SDK1: variants seen among roughly 807,000 people sequenced by gnomAD.
The protein encoded by SDK1 is sidekick cell adhesion molecule 1.
SDK1 carries 157 observed loss-of-function variants against 245.5 expected under a neutral mutation model. The observed-to-expected ratio is 0.64, with a 90% CI of 0.56 to 0.73. SDK1 has a LOEUF of 0.73. SDK1 is among the 30% of genes least tolerant of loss of function. The probability of loss-of-function intolerance (pLI) is 0.00; values close to 1 mark genes in which losing one functional copy is unlikely to be tolerated. For missense variants in SDK1, 3,583 were observed against 3,002.3 expected (o/e 1.19, Z -4.52); for synonymous variants, 1,647 against 1,278.5 (o/e 1.29, Z -6.15).
At chr7:3,793,918 C>T (rs1324805706) in intron 4 of SDK1, among the ~76,000 whole-genome samples, 3 of 152,094 alleles carry the variant, frequency 2.0e-5, no homozygotes, top group Non-Finnish European at 4.4e-5. Context: ...GCAGGGTGCT[C>T]CCTGCCCTGT....
At chr7:3,997,661 C>A (rs1207828831) in intron 14 of SDK1, among the ~76,000 whole-genome samples, 1 of 152,096 alleles carries the variant, frequency 6.6e-6, no homozygotes. Context: ...TTATGGCCTT[C>A]AGAGGGGAGG....
intron 1 of SDK1, among the ~76,000 whole-genome samples, chr7:3,492,290 C>G (rs537654374): frequency 1.3e-5 from 2 of 152,242 alleles, no homozygotes; most frequent in East Asian, 3.9e-4. Flanking sequence ...CAGAGTAGAT[C>G]GAGACCATCC....
intron 4 of SDK1, among the ~76,000 whole-genome samples, chr7:3,652,716 T>C (rs539868022): frequency 4.6e-5 from 7 of 152,232 alleles, no homozygotes; most frequent in African/African-American, 1.7e-4. Flanking sequence ...TTTGTGGTGA[T>C]GGATATCTTC....
In SDK1 at chr7:4,076,994, C is replaced by G. The variant is rs2128177343; in HGVS notation, c.3011-4C>G. 1 of 1,613,546 alleles carries G rather than the reference C, an allele frequency of 6.2e-7. No homozygotes were observed. Among genetic ancestry groups the G allele is most frequent in the East Asian group, 2.2e-5 (1 of 44,868 alleles). ...AACACTGGTCTGGTCCTGTTGCTTT[C>G]TAGGCTATCAGATCTCTTGGGAAGT... On this transcript the variant is annotated splice_region_variant and splice_polypyrimidine_tract_variant and intron_variant, in intron 20 of 44. Coordinates refer to ENST00000404826, the MANE Select transcript of SDK1 (RefSeq NM_152744.4).
At chr7:4,261,286 G>C (rs1787986362) in intron 44 of SDK1, among the ~76,000 whole-genome samples, 1 of 152,180 alleles carries the variant, frequency 6.6e-6, no homozygotes, top group African/African-American at 2.4e-5. Context: ...TGAGGGAGCA[G>C]CTGGCAGGAA....
chr7:4,057,588 C>A (rs904050266), intron 19 of SDK1, among the ~76,000 whole-genome samples: 1 of 152,136 alleles, frequency 6.6e-6, no homozygotes. Flanking sequence ...GCAGCCATTG[C>A]CAGCACCTGA....
chr7:3,589,411 A>G (rs1780789956), intron 1 of SDK1, among the ~76,000 whole-genome samples: 1 of 152,218 alleles, frequency 6.6e-6, no homozygotes, highest in South Asian at 2.1e-4. Context: ...CTTCCCGTGC[A>G]CCAGCACCAC....
intron 1 of SDK1, among the ~76,000 whole-genome samples, chr7:3,575,113 C>G (rs1425337327): frequency 6.6e-6 from 1 of 152,104 alleles, no homozygotes; most frequent in Non-Finnish European, 1.5e-5. Flanking sequence ...ACTGCCATAA[C>G]CAAATACCCT....
chr7:3,512,469 T>C (rs1355353781), intron 1 of SDK1, among the ~76,000 whole-genome samples: 1 of 152,226 alleles, frequency 6.6e-6, no homozygotes, highest in East Asian at 1.9e-4. Context: ...TTCCATTTCT[T>C]TGGGTGAATA....
At chr7:3,634,571 A>C (rs1031194143) in intron 2 of SDK1, among the ~76,000 whole-genome samples, 5 of 152,192 alleles carry the variant, frequency 3.3e-5, no homozygotes, top group Non-Finnish European at 2.9e-5. Flanking sequence ...TCTATACTTT[A>C]GTGGCATATG....
At chr7:3,900,110 G>A (rs1019942042) in intron 5 of SDK1, among the ~76,000 whole-genome samples, 3 of 152,138 alleles carry the variant, frequency 2.0e-5, no homozygotes, top group African/African-American at 7.2e-5. Flanking sequence ...CCTCCTCCCA[G>A]TTTCCTCTTT....
intron 17 of SDK1, among the ~76,000 whole-genome samples, chr7:4,025,285 C>T (rs747638267): frequency 1.3e-5 from 2 of 152,206 alleles, no homozygotes; most frequent in African/African-American, 4.8e-5. Context: ...AAGCTTCCGC[C>T]GAACAGAGGA....
intron 2 of SDK1, among the ~76,000 whole-genome samples, chr7:3,635,695 A>G (rs1174651815): frequency 6.6e-6 from 1 of 151,846 alleles, no homozygotes; most frequent in African/African-American, 2.4e-5. Flanking sequence ...GTCTTTTCCT[A>G]TTTGAGCTCC....
intron 1 of SDK1, among the ~76,000 whole-genome samples, chr7:3,487,422 G>C (rs1388967414): frequency 1.3e-5 from 2 of 151,858 alleles, no homozygotes; most frequent in African/African-American, 4.8e-5. Context: ...AATTGGTTTG[G>C]GTCAGGAGGA....
chr7:3,901,361 TTTTTTTAATAGAGA>T lies in SDK1; in HGVS notation c.848-49561_848-49548del, dbSNP rs1781784769. Among the ~76,000 whole-genome samples, 3 of 152,088 alleles carry T rather than the reference TTTTTTTAATAGAGA, an allele frequency of 2.0e-5. No individual in the cohort carries two copies. In the South Asian group the frequency reaches 6.2e-4, roughly 32 times the overall value. On this transcript the variant is annotated intron_variant, in intron 5 of 44. Transcript: ENST00000404826. ...GCCACCACGCCCGGTTAATTTTTTG[TTTTTTTAATAGAGA>T]CGGGGTTTCACCGTGCTAGCCAGGA...
At chr7:3,343,897 G>C (rs1045520810) in intron 1 of SDK1, among the ~76,000 whole-genome samples, 2 of 151,884 alleles carry the variant, frequency 1.3e-5, no homozygotes, top group African/African-American at 4.8e-5. Flanking sequence ...CAGATCAGTT[G>C]AGACTAACAG....
At chr7:4,083,524 T>TCCCCCCCC (rs1781197161) in intron 22 of SDK1, among the ~76,000 whole-genome samples, 1 of 90,974 alleles carries the variant, frequency 1.1e-5, no homozygotes, top group African/African-American at 5.8e-5. Flanking sequence ...CCATTTCCAC[T>TCCCCCCCC]CCTCCCTCCC....
At chr7:3,764,502 A>G (rs1780196002) in intron 4 of SDK1, among the ~76,000 whole-genome samples, 1 of 152,094 alleles carries the variant, frequency 6.6e-6, no homozygotes, top group African/African-American at 2.4e-5. Flanking sequence ...CCTGACCAAC[A>G]TGGTGAAATC....
At chr7:4,252,824 T>TC (rs34027141) in intron 44 of SDK1, among the ~76,000 whole-genome samples, 8,762 of 144,818 alleles carry the variant, frequency 0.061, 287 homozygotes, top group East Asian at 0.12. Context: ...TTATTCCGTT[T>TC]CCCCCCCCCT....
Sources: gnomAD v4.1 joint callset for allele counts (sites outside exome capture counted in the v4.1 genomes callset) on GRCh38, gnomAD v4.1.1 for gene constraint, MANE v1.5 for transcripts, NCBI Gene and HGNC (gene_info 2026-07-23, HGNC 2026-07-21) for gene names.